TUBGCP4: variants seen among roughly 807,000 people sequenced by gnomAD.
TUBGCP4 encodes the protein tubulin gamma complex component 4.
In TUBGCP4, 54 loss-of-function variants were observed where a neutral mutation model predicts 91.6. The observed-to-expected ratio is 0.59, with a 90% confidence interval of 0.47 to 0.74. The LOEUF (loss-of-function observed/expected upper bound fraction) is 0.74. TUBGCP4 is among the 30% of genes least tolerant of loss of function. TUBGCP4 has a pLI of 0.00. For missense variants in TUBGCP4, 593 were observed against 800.9 expected, an observed-to-expected ratio of 0.74 and a Z score of 3.13; for synonymous variants, 297 against 302.8, an observed-to-expected ratio of 0.98 and a Z score of 0.20.
intron 10 of TUBGCP4, 104 bp from the exon 11 acceptor site, chr15:43,395,479 T>A: frequency 3.3e-6 from 3 of 900,540 alleles, no homozygotes; most frequent in Non-Finnish European, 5.4e-6. Context: ...TAGCTTGGGC[T>A]CAAATTGATG....
rs760397343 is a variant in TUBGCP4, at chr15:43,385,776, T to C, written c.724-15T>C. 1.2e-6 allele frequency: 2 copies of C among 1,607,952 alleles called. No homozygotes were observed. Among genetic ancestry groups the C allele is most frequent in the Non-Finnish European group, 1.7e-6 (2 of 1,174,624 alleles). On this transcript the variant is annotated splice_polypyrimidine_tract_variant and intron_variant, in intron 7 of 17. Transcript: ENST00000564079. ...CTTCACACTGCATCTCGATGTGTAC[T>C]CTTTCCTTGACTAGCGCCTGATTGA...
At chr15:43,404,088 GAACT>G (rs1020226484) in intron 16 of TUBGCP4, 1 of 517,256 alleles carries the variant, frequency 1.9e-6, no homozygotes, top group Admixed American at 3.3e-5. Flanking sequence ...TTACTTCCTT[GAACT>G]AACCCCCATC....
Position 43,407,341 on chromosome 15 carries a change from C to T in TUBGCP4, c.*2127C>T, listed in dbSNP as rs533628364. ...ATTTAAAACCTGGTTAAAACACAATCTCCACGATAGCAGGGAATAAAACCA... is the reference window on the plus strand; with the variant it reads ...ATTTAAAACCTGGTTAAAACACAATTTCCACGATAGCAGGGAATAAAACCA... On this transcript the variant is annotated 3_prime_UTR_variant, in exon 18 of 18. Transcript: ENST00000564079. 6.3e-7 allele frequency: 1 copy of T among 1,581,864 alleles called. No homozygotes were observed. The highest frequency in any genetic ancestry group is 8.7e-7 in the Non-Finnish European group (1 of 1,154,424).
intron 13 of TUBGCP4, 100 bp downstream of exon 13, chr15:43,398,279 GCA>G: frequency 2.2e-6 from 3 of 1,342,560 alleles, no homozygotes; most frequent in South Asian, 2.8e-5. Flanking sequence ...AGGTGTGGTG[GCA>G]CACACCTGTA....
At chr15:43,378,344 TCA>T (rs1353659764) in intron 5 of TUBGCP4, among the ~76,000 whole-genome samples, 2 of 152,248 alleles carry the variant, frequency 1.3e-5, no homozygotes, top group Non-Finnish European at 2.9e-5. Context: ...CCTATTCTTA[TCA>T]CAAGTTTTTA....
chr15:43,374,486 C>G (rs2044172497), intron 1 of TUBGCP4, among the ~76,000 whole-genome samples: 1 of 152,022 alleles, frequency 6.6e-6, no homozygotes. Flanking sequence ...GTGACACATG[C>G]CTGTAGTCCT....
Position 43,405,257 on chromosome 15 carries a change from G to A in TUBGCP4, c.*43G>A, listed in dbSNP as rs754370038. 8.1e-6 allele frequency: 13 copies of A among 1,609,908 alleles called. No individual in the cohort carries two copies. Among genetic ancestry groups the A allele is most frequent in the Non-Finnish European group, 1.1e-5 (13 of 1,176,300 alleles). Reference sequence around the variant, plus strand: ...ATTGAAATAACAGCCACGTTCCCAAGGTTGTAACAGAAGATTCAAAACATC... The same window carrying A: ...ATTGAAATAACAGCCACGTTCCCAAAGTTGTAACAGAAGATTCAAAACATC... On this transcript the variant is annotated 3_prime_UTR_variant, in exon 18 of 18. Coordinates refer to ENST00000564079, the MANE Select transcript of TUBGCP4 (RefSeq NM_014444.5).
At position 43,397,287 on chromosome 15, in the gene TUBGCP4, C is replaced by T; in HGVS notation, c.1245C>T (p.His415=). Residue 415 remains histidine (H), a synonymous_variant, in exon 12 of 18, where the codon CAC becomes CAT. Coordinates refer to ENST00000564079, the MANE Select transcript of TUBGCP4 (RefSeq NM_014444.5). ...LDDDNLLPLL[H]LTIEYHGKEH... is the part of the protein sequence containing the mutation. ...ATGACAACCTTCTCCCTCTGTTGCA[C>T]TTGACAATCGAGTATCACGGAAAGG... 1 of 1,614,152 alleles carries T rather than the reference C, an allele frequency of 6.2e-7. No homozygotes were observed. Among genetic ancestry groups the T allele is most frequent in the East Asian group, 2.2e-5 (1 of 44,884 alleles).
chr15:43,382,415 G>C (rs535479271), intron 6 of TUBGCP4, among the ~76,000 whole-genome samples: 19 of 151,918 alleles, frequency 1.3e-4, no homozygotes, highest in Non-Finnish European at 1.8e-4. Flanking sequence ...ACTACATTTT[G>C]TTCTCATGTC....
rs148256420 is a variant in TUBGCP4 at position 43,408,045 on chromosome 15, C to A, written c.*2831C>A. The A allele has an allele frequency of 4.3e-6, 7 of 1,613,998 alleles. No homozygotes were observed. In the African/African-American group the frequency reaches 9.3e-5, roughly 22 times the overall value. On this transcript the variant is annotated 3_prime_UTR_variant, in exon 18 of 18. Transcript: ENST00000564079. ...AGGAAGTTCTGCTGTTGGTCTGATA[C>A]CAAGAGTACCTTCAGATTCTGGAAA... is the stretch of plus-strand genomic sequence containing the variant.
At chr15:43,400,744 C>CTAA (rs1480900155) in intron 14 of TUBGCP4, among the ~76,000 whole-genome samples, 28 of 152,102 alleles carry the variant, frequency 1.8e-4, no homozygotes, top group Admixed American at 5.2e-4. Flanking sequence ...GGTGAAACAC[C>CTAA]ATCTCTACTA....
At chr15:43,376,773 C>G (rs1242258032) in intron 3 of TUBGCP4, 148 bp downstream of exon 3, 1 of 1,194,676 alleles carries the variant, frequency 8.4e-7, no homozygotes, top group Non-Finnish European at 1.2e-6. Flanking sequence ...CAGTGATTGC[C>G]CAACCTGTGA....
chr15:43,392,120 A>ACACG lies in TUBGCP4; in HGVS notation c.1015-2987_1015-2986insCACG, dbSNP rs1555395402. The stretch of plus-strand genomic sequence containing the variant: ...CACACACACACACACACACACACAC[A>ACACG]TATTTTTTTTTGTTTGAATTCTGTG... On this transcript the variant is annotated intron_variant, in intron 9 of 17. Coordinates refer to ENST00000564079, the MANE Select transcript of TUBGCP4 (RefSeq NM_014444.5). Among the ~76,000 whole-genome samples the ACACG allele has an allele frequency of 6.2e-5, 9 of 146,198 alleles. No homozygotes were observed. The East Asian group carries it at 1.0e-3, about 16-fold the overall frequency.
intron 13 of TUBGCP4, 157 bp downstream of exon 13, chr15:43,398,336 AG>A (rs904295291): frequency 1.4e-6 from 1 of 716,700 alleles, no homozygotes; most frequent in African/African-American, 1.8e-5. Flanking sequence ...CCTTAAGCCC[AG>A]GATTTCAAAT....
chr15:43,384,060 C>T (rs2044322545), intron 7 of TUBGCP4, among the ~76,000 whole-genome samples: 1 of 152,164 alleles, frequency 6.6e-6, no homozygotes, highest in South Asian at 2.1e-4. Context: ...GTGATCCACC[C>T]GCCTCGGCCT....
intron 1 of TUBGCP4, among the ~76,000 whole-genome samples, chr15:43,374,693 G>T (rs2044176433): frequency 6.6e-6 from 1 of 152,138 alleles, no homozygotes; most frequent in Non-Finnish European, 1.5e-5. Context: ...GTGAAAGCAG[G>T]AACCCAACAG....
rs1399100000 is a variant in TUBGCP4 at position 43,409,596 on chromosome 15, G to A, written c.*4382G>A. ...CCCAGGCCTCTTCTCAACACAGCAA[G>A]TTGGCTCTTATCATTGCCACTATAT... On this transcript the variant is annotated 3_prime_UTR_variant, in exon 18 of 18. Coordinates refer to ENST00000564079, the MANE Select transcript of TUBGCP4 (RefSeq NM_014444.5). 6 of 1,025,990 alleles carry A rather than the reference G, an allele frequency of 5.8e-6. No homozygotes were observed. The highest frequency in any genetic ancestry group is 5.4e-5 in the South Asian group (3 of 56,014). The allele number at this position is 1,025,990 out of a possible 1,614,324, so 63.6% of individuals were successfully genotyped here.
chr15:43,380,619 A>G (rs988766141), intron 6 of TUBGCP4, among the ~76,000 whole-genome samples: 2 of 152,264 alleles, frequency 1.3e-5, no homozygotes, highest in Admixed American at 6.5e-5. Context: ...TATATGCACA[A>G]ACGTGTTCAT....
In TUBGCP4 at chr15:43,408,131, T is replaced by G. The variant is rs370738779; in HGVS notation, c.*2917T>G. ...AAGGACCTTAGCATGACAAGTAATA[T>G]CCAACAAACTGCCTTTCTGCAAAGG... On this transcript the variant is annotated 3_prime_UTR_variant, in exon 18 of 18. Coordinates refer to ENST00000564079, the MANE Select transcript of TUBGCP4 (RefSeq NM_014444.5). 14 of 1,590,520 alleles carry G rather than the reference T, an allele frequency of 8.8e-6. No individual in the cohort carries two copies. The African/African-American group carries it at 9.5e-5, about 11-fold the overall frequency.
Sources: allele counts gnomAD v4.1 joint callset (sites outside exome capture counted in the v4.1 genomes callset), GRCh38; gene constraint gnomAD v4.1.1; transcripts MANE v1.5; gene names NCBI Gene and HGNC (gene_info 2026-07-23, HGNC 2026-07-21).